RARB: variants seen among roughly 807,000 people sequenced by gnomAD.
The protein encoded by RARB is HBV-activated protein.
RARB carries 17 observed loss-of-function variants against 51.9 expected under a neutral mutation model. The ratio of observed to expected loss-of-function variants is 0.33; its 90% CI spans 0.22 to 0.49. The LOEUF is 0.49. RARB is among the 20% of genes least tolerant of loss of function. RARB has a pLI of 0.99. For missense variants in RARB, 369 were observed against 550.8 expected, an observed-to-expected ratio of 0.67 and a Z score of 3.30; for synonymous variants, 215 against 195.4, an observed-to-expected ratio of 1.10 and a Z score of -0.84.
Position 24,851,941 on chromosome 3 carries a change from TTGGCCATGAGTA to T in RARB, c.-458-6732_-458-6721del, listed in dbSNP as rs1702564942. On this transcript the variant is annotated intron_variant, in intron 1 of 11. Coordinates refer to the RARB transcript ENST00000383772. The stretch of plus-strand genomic sequence containing the variant: ...TTTTAATGACATTAGTAGAAATATC[TTGGCCATGAGTA>T]GTAAGCGGAAGCCCATGCTTGTATT... 2.0e-5 allele frequency among the ~76,000 whole-genome samples: 3 copies of T among 152,252 alleles called. No homozygotes were observed. The South Asian group carries it at 6.2e-4, about 32-fold the overall frequency.
At chr3:25,011,482 A>T (rs1697393342) in intron 2 of RARB, among the ~76,000 whole-genome samples, 1 of 152,108 alleles carries the variant, frequency 6.6e-6, no homozygotes, top group Non-Finnish European at 1.5e-5. Flanking sequence ...TTATAGCTAT[A>T]TTTAGTTAGG....
intron 2 of RARB, among the ~76,000 whole-genome samples, chr3:24,943,276 A>G (rs1695707915): frequency 6.6e-6 from 1 of 152,232 alleles, no homozygotes; most frequent in Non-Finnish European, 1.5e-5. Flanking sequence ...GGTGAAGGTT[A>G]TTAAGAATGT....
Position 24,995,014 on chromosome 3 carries a change from A to G in RARB, c.-379-65111A>G, listed in dbSNP as rs561878530. Among the ~76,000 whole-genome samples, 4 of 152,152 alleles carry G rather than the reference A, an allele frequency of 2.6e-5. No homozygotes were observed. In the East Asian group the frequency reaches 7.7e-4, roughly 29 times the overall value. ...ATAGAAATGTTAGGATATTTTTTCTATTTCTGTGAAGAATGTCATTGATGT... is the reference window on the plus strand; with the variant it reads ...ATAGAAATGTTAGGATATTTTTTCTGTTTCTGTGAAGAATGTCATTGATGT... On this transcript the variant is annotated intron_variant, in intron 2 of 11. Coordinates refer to the RARB transcript ENST00000383772.
At chr3:25,078,213 A>T (rs1423811673) in intron 3 of RARB, among the ~76,000 whole-genome samples, 2 of 152,154 alleles carry the variant, frequency 1.3e-5, no homozygotes, top group East Asian at 3.9e-4. Context: ...CTCAAAGGAT[A>T]CAAAAATATT....
chr3:25,443,746 A>G (rs1312090320), intron 1 of RARB, among the ~76,000 whole-genome samples: 1 of 152,068 alleles, frequency 6.6e-6, no homozygotes, highest in Non-Finnish European at 1.5e-5. Flanking sequence ...AGCCTGGCCA[A>G]CATGGTGAAA....
intron 5 of RARB, among the ~76,000 whole-genome samples, chr3:25,247,177 A>G (rs1426243722): frequency 6.6e-6 from 1 of 152,180 alleles, no homozygotes; most frequent in Non-Finnish European, 1.5e-5. Context: ...TCCCCCACCA[A>G]GCTTGAGCAT....
intron 2 of RARB, among the ~76,000 whole-genome samples, chr3:24,949,537 T>C (rs889653782): frequency 2.9e-4 from 44 of 152,230 alleles, no homozygotes; most frequent in Non-Finnish European, 4.0e-4. Context: ...TAAGGATATA[T>C]GTTGCATTAG....
At chr3:25,079,695 A>G (rs992074293) in intron 3 of RARB, among the ~76,000 whole-genome samples, 1 of 152,130 alleles carries the variant, frequency 6.6e-6, no homozygotes, top group African/African-American at 2.4e-5. Flanking sequence ...ATTAATTTTT[A>G]AAAAATATAT....
chr3:25,492,891 G>C (rs530250651), intron 2 of RARB, among the ~76,000 whole-genome samples: 1 of 152,032 alleles, frequency 6.6e-6, no homozygotes, highest in African/African-American at 2.4e-5. Flanking sequence ...CAGGCAAGAG[G>C]TGCTATAGAC....
chr3:25,362,606 C>T (rs796872005), intron 5 of RARB, among the ~76,000 whole-genome samples: 1 of 152,312 alleles, frequency 6.6e-6, no homozygotes, highest in African/African-American at 2.4e-5. Flanking sequence ...GTGGGGTAGG[C>T]ACCTGAGGGA....
chr3:24,877,318 A>G (rs374673938), intron 2 of RARB, among the ~76,000 whole-genome samples: 25 of 109,122 alleles, frequency 2.3e-4, no homozygotes, highest in African/African-American at 8.2e-4. Flanking sequence ...CATAATTTAC[A>G]TGATAGTAAT....
intron 5 of RARB, among the ~76,000 whole-genome samples, chr3:25,374,156 G>T (rs539811173): frequency 6.6e-6 from 1 of 152,256 alleles, no homozygotes; most frequent in Non-Finnish European, 1.5e-5. Flanking sequence ...GCTGGATGTG[G>T]AAGGCAGGGA....
intron 4 of RARB, among the ~76,000 whole-genome samples, chr3:25,165,489 C>T (rs1700547433): frequency 6.6e-6 from 1 of 152,120 alleles, no homozygotes; most frequent in Non-Finnish European, 1.5e-5. Context: ...CTCTCTCAGG[C>T]ATCTGCCAGC....
chr3:25,155,656 C>G (rs1255710465), intron 4 of RARB, among the ~76,000 whole-genome samples: 1 of 152,036 alleles, frequency 6.6e-6, no homozygotes, highest in Non-Finnish European at 1.5e-5. Context: ...CACTTTTTTT[C>G]AAAAAGCTTT....
intron 2 of RARB, among the ~76,000 whole-genome samples, chr3:24,941,426 A>G (rs573253223): frequency 2.6e-5 from 4 of 151,728 alleles, no homozygotes; most frequent in South Asian, 2.1e-4. Context: ...CTGGAGTGCA[A>G]TGGCACGATC....
rs541142577 is a variant in RARB, at chr3:24,993,526, A to T, written c.-379-66599A>T. ...ATCTGAAATATTGACTATGTTGGGA[A>T]CATTCGATATTCTCCTTCTGGCTAT... On this transcript the variant is annotated intron_variant, in intron 2 of 11. Transcript: ENST00000383772. Among the ~76,000 whole-genome samples the T allele has an allele frequency of 2.0e-5, 3 of 152,286 alleles. No individual in the cohort carries two copies. In the South Asian group the frequency reaches 6.2e-4, roughly 32 times the overall value.
chr3:24,992,164 T>G (rs2125435434), intron 2 of RARB, among the ~76,000 whole-genome samples: 1 of 152,264 alleles, frequency 6.6e-6, no homozygotes, highest in East Asian at 1.9e-4. Flanking sequence ...ATCATATATT[T>G]ATATTGTTTG....
intron 5 of RARB, among the ~76,000 whole-genome samples, chr3:25,248,460 T>TATC (rs1165759310): frequency 2.0e-5 from 3 of 152,194 alleles, no homozygotes; most frequent in Non-Finnish European, 4.4e-5. Context: ...CTCTCCTGTT[T>TATC]ATCATTGTGT....
chr3:25,337,666 C>A (rs1705103376), intron 5 of RARB, among the ~76,000 whole-genome samples: 1 of 152,170 alleles, frequency 6.6e-6, no homozygotes, highest in Non-Finnish European at 1.5e-5. Context: ...CACCTCCTTA[C>A]AAAGGCTTTC....
Sources: gnomAD v4.1 joint callset for allele counts (sites outside exome capture counted in the v4.1 genomes callset) on GRCh38, gnomAD v4.1.1 for gene constraint, MANE v1.5 for transcripts, NCBI Gene and HGNC (gene_info 2026-07-23, HGNC 2026-07-21) for gene names.